PID1: variants seen among roughly 807,000 people sequenced by gnomAD.
The protein encoded by PID1 is PTB-containing, cubilin and LRP1-interacting protein.
In PID1, 10 loss-of-function variants were observed where a neutral mutation model predicts 19.1. That is an observed-to-expected ratio of 0.52 (90% CI 0.32 to 0.89). The LOEUF (loss-of-function observed/expected upper bound fraction) is 0.89, where lower values mean the gene tolerates loss of function less well. PID1 is among the 40% of genes least tolerant of loss of function. The pLI is 0.03. For synonymous variants in PID1, 130 were observed against 116.0 expected, an observed-to-expected ratio of 1.12 and a Z score of -0.78; for missense variants, 248 against 285.3, an observed-to-expected ratio of 0.87 and a Z score of 0.94.
chr2:229,204,096 C>A (rs1010633735), intron 1 of PID1, among the ~76,000 whole-genome samples: 3 of 151,950 alleles, frequency 2.0e-5, no homozygotes, highest in Non-Finnish European at 4.4e-5. Context: ...CTGGAAGAAC[C>A]CTGATCAATA....
chr2:229,038,828 T>C (rs984229175), intron 2 of PID1, among the ~76,000 whole-genome samples: 60 of 152,212 alleles, frequency 3.9e-4, no homozygotes, highest in African/African-American at 1.4e-3. Flanking sequence ...TCTAATCTTA[T>C]TGTCAACTTG....
chr2:229,064,564 G>A (rs1694280166), intron 2 of PID1, among the ~76,000 whole-genome samples: 1 of 151,974 alleles, frequency 6.6e-6, no homozygotes, highest in African/African-American at 2.4e-5. Context: ...CAAAACATAA[G>A]TAATTGTCCC....
chr2:229,030,795 A>T (rs900311469), intron 2 of PID1, among the ~76,000 whole-genome samples: 4 of 152,216 alleles, frequency 2.6e-5, no homozygotes, highest in Non-Finnish European at 5.9e-5. Flanking sequence ...TAAAATAAAG[A>T]TTTTGAAAGA....
At chr2:229,062,829 A>T (rs1051521692) in intron 2 of PID1, among the ~76,000 whole-genome samples, 2 of 151,620 alleles carry the variant, frequency 1.3e-5, no homozygotes, top group East Asian at 1.9e-4. Context: ...GTCTGTTCGG[A>T]TTTTCTTTTT....
intron 2 of PID1, among the ~76,000 whole-genome samples, chr2:229,121,494 T>A (rs1695518779): frequency 6.6e-6 from 1 of 152,238 alleles, no homozygotes; most frequent in Non-Finnish European, 1.5e-5. Context: ...AGTCCCTTCG[T>A]GACTTGGGAC....
At chr2:229,036,561 C>G (rs1221947421) in intron 2 of PID1, among the ~76,000 whole-genome samples, 1 of 151,944 alleles carries the variant, frequency 6.6e-6, no homozygotes, top group Non-Finnish European at 1.5e-5. Context: ...CCAGCCTGGC[C>G]AACACAGTGA....
At chr2:229,053,689 G>A (rs1327251103) in intron 2 of PID1, among the ~76,000 whole-genome samples, 4 of 152,164 alleles carry the variant, frequency 2.6e-5, no homozygotes, top group Non-Finnish European at 5.9e-5. Context: ...CTGGTCTATC[G>A]TTTTTGGACA....
intron 2 of PID1, among the ~76,000 whole-genome samples, chr2:229,099,721 G>T (rs1449057460): frequency 5.3e-5 from 8 of 152,148 alleles, no homozygotes; most frequent in Admixed American, 5.2e-4. Flanking sequence ...GTCAAGAAAT[G>T]ATTTCACTGC....
chr2:229,068,581 T>C (rs919186517), intron 2 of PID1, among the ~76,000 whole-genome samples: 1 of 152,220 alleles, frequency 6.6e-6, no homozygotes, highest in Non-Finnish European at 1.5e-5. Context: ...GTACATTCGT[T>C]GCCCTTCCAT....
intron 2 of PID1, among the ~76,000 whole-genome samples, chr2:229,051,068 A>G (rs1316846031): frequency 6.6e-6 from 1 of 152,296 alleles, no homozygotes; most frequent in Non-Finnish European, 1.5e-5. Flanking sequence ...AGGATTCTCT[A>G]CATGTACTCT....
At chr2:229,248,327 C>T (rs1690056030) in intron 1 of PID1, among the ~76,000 whole-genome samples, 1 of 152,142 alleles carries the variant, frequency 6.6e-6, no homozygotes, top group Non-Finnish European at 1.5e-5. Context: ...AATACATGCT[C>T]CTGGAACAGG....
At chr2:229,178,444 T>C (rs1325700633) in intron 1 of PID1, among the ~76,000 whole-genome samples, 1 of 152,202 alleles carries the variant, frequency 6.6e-6, no homozygotes, top group Non-Finnish European at 1.5e-5. Context: ...TTTTAGCTTA[T>C]TTTCTTCAAT....
chr2:229,118,210 T>C (rs565154217), intron 2 of PID1, among the ~76,000 whole-genome samples: 1 of 152,324 alleles, frequency 6.6e-6, no homozygotes, highest in Non-Finnish European at 1.5e-5. Flanking sequence ...ACCATCCATC[T>C]CTTTTTATCC....
At chr2:229,197,478 T>C (rs1296302595) in intron 1 of PID1, among the ~76,000 whole-genome samples, 1 of 152,022 alleles carries the variant, frequency 6.6e-6, no homozygotes, top group Non-Finnish European at 1.5e-5. Context: ...CACTTAAAAA[T>C]AGTAATTCAG....
intron 1 of PID1, among the ~76,000 whole-genome samples, chr2:229,158,606 T>C (rs1250025544): frequency 6.9e-6 from 1 of 145,168 alleles, no homozygotes; most frequent in African/African-American, 2.5e-5. Flanking sequence ...CCACAAATAT[T>C]AAAAAAAAAA....
chr2:229,238,536 T>G (rs1689782694), intron 1 of PID1, among the ~76,000 whole-genome samples: 1 of 152,190 alleles, frequency 6.6e-6, no homozygotes, highest in Admixed American at 6.6e-5. Context: ...AACATTTGTT[T>G]GCCTTACGAA....
chr2:229,200,474 GA>G (rs1348412612), intron 1 of PID1, among the ~76,000 whole-genome samples: 1 of 151,980 alleles, frequency 6.6e-6, no homozygotes, highest in Non-Finnish European at 1.5e-5. Flanking sequence ...GTTAGCTGTT[GA>G]GATGCTGGTC....
chr2:229,080,281 G>A (rs1694643584), intron 2 of PID1, among the ~76,000 whole-genome samples: 1 of 152,096 alleles, frequency 6.6e-6, no homozygotes, highest in African/African-American at 2.4e-5. Flanking sequence ...CTGTAATCTG[G>A]CTTCTACCTA....
chr2:229,036,309 A>C (rs575170861), intron 2 of PID1, among the ~76,000 whole-genome samples: 24 of 152,322 alleles, frequency 1.6e-4, no homozygotes, highest in African/African-American at 5.3e-4. Context: ...CCTCAGCCCT[A>C]CAGGCTTCTG....
Sources: allele counts gnomAD v4.1 joint callset (sites outside exome capture counted in the v4.1 genomes callset), GRCh38; gene constraint gnomAD v4.1.1; transcripts MANE v1.5; gene names NCBI Gene and HGNC (gene_info 2026-07-23, HGNC 2026-07-21).